The following C12orf56 variants were observed in gnomAD, a reference collection of about 807,000 sequenced individuals.
C12orf56 encodes the protein chromosome 12 open reading frame 56.
In C12orf56, 71 loss-of-function variants were observed where a neutral mutation model predicts 69.9. That is an observed-to-expected ratio of 1.02 (90% CI 0.84 to 1.24). The LOEUF (loss-of-function observed/expected upper bound fraction) is 1.24, where lower values mean the gene tolerates loss of function less well. C12orf56 is among the 50% of genes most tolerant of loss of function. The pLI is 0.00. For synonymous variants in C12orf56, 276 were observed against 274.1 expected, an observed-to-expected ratio of 1.01 and a Z score of -0.07; for missense variants, 732 against 738.5, an observed-to-expected ratio of 0.99 and a Z score of 0.10.
chr12:64,361,500 C>T (rs1014855234), intron 1 of C12orf56, among the ~76,000 whole-genome samples: 1 of 152,138 alleles, frequency 6.6e-6, no homozygotes, highest in Non-Finnish European at 1.5e-5. Context: ...CCCACCAAAA[C>T]CAAGATGGTG....
chr12:64,275,254 T>A, intron 10 of C12orf56, 44 bp downstream of exon 10: 1 of 905,386 alleles, frequency 1.1e-6, no homozygotes, highest in Non-Finnish European at 1.7e-6. Flanking sequence ...ATGTAATTTA[T>A]AGTTACATAA....
At position 64,275,286 on chromosome 12, in the gene C12orf56, TA is replaced by T; in HGVS notation, c.1509+11del. On this transcript the variant is annotated intron_variant, in intron 10 of 12. Coordinates refer to ENST00000543942, the MANE Select transcript of C12orf56 (RefSeq NM_001170633.2). ...ATAAAATATGTAAAAATATAATTTT[TA>T]AAAATTGTACCTGCTGAAAGACCAG... 7.9e-7 allele frequency: 1 copy of T among 1,272,582 alleles called. No individual in the cohort carries two copies. Among genetic ancestry groups the T allele is most frequent in the Admixed American group, 3.1e-5 (1 of 32,678 alleles). 78.8% of individuals were successfully genotyped at this position (1,272,582 alleles called of 1,614,324 possible).
chr12:64,307,376 T>C (rs557405680), intron 5 of C12orf56, among the ~76,000 whole-genome samples: 47 of 147,006 alleles, frequency 3.2e-4, no homozygotes, highest in Middle Eastern at 3.5e-3. Flanking sequence ...TCCTTTTTTT[T>C]TTTTTTTTTT....
At chr12:64,383,470 G>A (rs544667004) in intron 1 of C12orf56, among the ~76,000 whole-genome samples, 2 of 151,960 alleles carry the variant, frequency 1.3e-5, no homozygotes, top group African/African-American at 2.4e-5. Context: ...TCCACCTCCC[G>A]GGTTCAAGCA....
intron 2 of C12orf56, among the ~76,000 whole-genome samples, chr12:64,336,694 A>G (rs1370409020): frequency 1.3e-5 from 2 of 152,170 alleles, no homozygotes; most frequent in East Asian, 3.9e-4. Context: ...AAAGCACCAC[A>G]CAGTTTTCTC....
chr12:64,354,849 CCA>C (rs2039285541), intron 1 of C12orf56, among the ~76,000 whole-genome samples: 1 of 149,402 alleles, frequency 6.7e-6, no homozygotes, highest in African/African-American at 2.4e-5. Flanking sequence ...GAGGCTGAGG[CCA>C]GTGGATCGCC....
intron 8 of C12orf56, among the ~76,000 whole-genome samples, chr12:64,280,313 C>A: frequency 6.6e-6 from 1 of 152,092 alleles, no homozygotes; most frequent in East Asian, 1.9e-4. Flanking sequence ...GCCTTAAAAA[C>A]AGTCCCAACA....
intron 1 of C12orf56, among the ~76,000 whole-genome samples, chr12:64,379,347 G>GT (rs2039681379): frequency 6.6e-6 from 1 of 150,870 alleles, no homozygotes; most frequent in African/African-American, 2.4e-5. Context: ...GTGCAGTGGC[G>GT]CATCTCTGCT....
intron 1 of C12orf56, among the ~76,000 whole-genome samples, chr12:64,353,932 C>T (rs549029032): frequency 2.5e-4 from 38 of 152,310 alleles, no homozygotes; most frequent in African/African-American, 5.8e-4. Flanking sequence ...CCACCTGCCT[C>T]GGCCTCCCAA....
chr12:64,267,499 T>A, intron 12 of C12orf56: 1 of 553,146 alleles, frequency 1.8e-6, no homozygotes, highest in Non-Finnish European at 3.2e-6. Context: ...TCTCCCCCAT[T>A]TGTGACCTAG....
chr12:64,351,060 G>A (rs2039216032), intron 2 of C12orf56, among the ~76,000 whole-genome samples: 1 of 152,156 alleles, frequency 6.6e-6, no homozygotes, highest in Admixed American at 6.5e-5. Flanking sequence ...TAGCTCATAA[G>A]GAACAAAAGT....
rs1555185422 is a variant in C12orf56, at chr12:64,276,006, C to CA, written c.1435-635_1435-634insT. On this transcript the variant is annotated intron_variant, in intron 9 of 12. Transcript: ENST00000543942. The stretch of plus-strand genomic sequence containing the variant: ...TCAAGAATGTAGAAATACACACCCC[C>CA]CCCCGCGAGTTGAGGTGAGAGATTC... Among the ~76,000 whole-genome samples, 479 of 150,592 alleles carry CA rather than the reference C, an allele frequency of 3.2e-3. 10 individuals carry two copies. In the East Asian group the frequency reaches 0.057, roughly 18 times the overall value.
intron 1 of C12orf56, among the ~76,000 whole-genome samples, chr12:64,375,096 G>A (rs779277892): frequency 6.6e-6 from 1 of 151,300 alleles, no homozygotes; most frequent in Non-Finnish European, 1.5e-5. Context: ...TTGAGAGGGA[G>A]TCTCACTCTG....
chr12:64,323,756 C>T (rs1218885627), intron 3 of C12orf56, among the ~76,000 whole-genome samples: 2 of 152,098 alleles, frequency 1.3e-5, no homozygotes, highest in Non-Finnish European at 2.9e-5. Context: ...AACAATCTAC[C>T]CACCTTGGCC....
chr12:64,312,854 A>T, intron 4 of C12orf56, 102 bp from the exon 5 acceptor site: 1 of 742,874 alleles, frequency 1.3e-6, no homozygotes. Context: ...AAGCCCTCCT[A>T]TAGTACACGA....
chr12:64,334,677 C>T (rs907488971), intron 2 of C12orf56, among the ~76,000 whole-genome samples: 5 of 151,966 alleles, frequency 3.3e-5, no homozygotes, highest in Non-Finnish European at 5.9e-5. Flanking sequence ...GTGGAGCTCA[C>T]GACTATGGAG....
intron 11 of C12orf56, among the ~76,000 whole-genome samples, chr12:64,271,554 C>T (rs1179126125): frequency 6.6e-6 from 1 of 152,202 alleles, no homozygotes; most frequent in Non-Finnish European, 1.5e-5. Flanking sequence ...GGTCACACTA[C>T]ACACCCATTG....
intron 1 of C12orf56, among the ~76,000 whole-genome samples, chr12:64,357,426 T>C (rs1479167923): frequency 7.9e-5 from 12 of 151,824 alleles, no homozygotes; most frequent in Non-Finnish European, 1.5e-5. Flanking sequence ...TTTCTTTTTT[T>C]TTTTGAGACA....
At chr12:64,275,576 C>T (rs1020792502) in intron 9 of C12orf56, among the ~76,000 whole-genome samples, 5 of 152,294 alleles carry the variant, frequency 3.3e-5, no homozygotes, top group Non-Finnish European at 7.4e-5. Context: ...ATTCCTCTCA[C>T]CTCTGCTTTC....
Sources: allele counts gnomAD v4.1 joint callset (sites outside exome capture counted in the v4.1 genomes callset), GRCh38; gene constraint gnomAD v4.1.1; transcripts MANE v1.5; gene names NCBI Gene and HGNC (gene_info 2026-07-23, HGNC 2026-07-21).